Variants in ASPH observed in about 807,000 individuals in gnomAD.
The protein encoded by ASPH is aspartate beta-hydroxylase, also known as aspartyl/asparaginyl beta-hydroxylase.
A neutral mutation model predicts 118.4 loss-of-function variants in ASPH; 100 were observed. The observed-to-expected ratio is 0.84, with a 90% confidence interval of 0.72 to 1.00. ASPH has a LOEUF of 1.00. ASPH is among the 50% of genes least tolerant of loss of function. ASPH has a pLI of 0.00. For missense variants in ASPH, 920 were observed against 919.5 expected (o/e 1.00, Z -0.01); for synonymous variants, 315 against 325.6 (o/e 0.97, Z 0.35).
intron 18 of ASPH, among the ~76,000 whole-genome samples, chr8:61,557,012 G>C (rs1344481434): frequency 6.6e-6 from 1 of 152,184 alleles, no homozygotes; most frequent in African/African-American, 2.4e-5. Flanking sequence ...TCATCGATTA[G>C]CAAATCTGGC....
At chr8:61,653,127 A>G (rs1811922195) in intron 4 of ASPH, among the ~76,000 whole-genome samples, 2 of 152,224 alleles carry the variant, frequency 1.3e-5, no homozygotes, top group Non-Finnish European at 2.9e-5. Flanking sequence ...AGATGCCCAC[A>G]GGGAGGTTTG....
At chr8:61,575,113 T>G (rs906181120) in intron 16 of ASPH, among the ~76,000 whole-genome samples, 3 of 152,202 alleles carry the variant, frequency 2.0e-5, no homozygotes, top group Non-Finnish European at 4.4e-5. Flanking sequence ...CAGAGAGACC[T>G]TTCCTGCCCA....
chr8:61,500,886 T>G lies in ASPH; in HGVS notation c.*2473A>C, dbSNP rs1377459064. On this transcript the variant is annotated 3_prime_UTR_variant, in exon 25 of 25. Coordinates refer to ENST00000379454, the MANE Select transcript of ASPH (RefSeq NM_004318.4). The stretch of plus-strand genomic sequence containing the variant: ...TAAATAATTCAAGGGAAAGAGATTA[T>G]TCAACTGGTCATAATCACCCCTGAT... 2 of 152,178 alleles carry G rather than the reference T, an allele frequency of 1.3e-5. No individual in the cohort carries two copies. The highest frequency in any genetic ancestry group is 2.9e-5 in the Non-Finnish European group (2 of 68,020). 9.4% of individuals were successfully genotyped at this position (152,178 alleles called of 1,614,324 possible).
rs186365245 is a variant in ASPH, at chr8:61,699,940, C to T, written c.103+14329G>A. On this transcript the variant is annotated intron_variant, in intron 1 of 24. Transcript: ENST00000379454. ...GAATGACGGCTACAGAGAAAGGTGA[C>T]GGCTACAAGGGAGCTCAAGCTCCAG... 2.0e-3 allele frequency among the ~76,000 whole-genome samples: 298 copies of T among 152,304 alleles called. 3 individuals are homozygous for T. Among genetic ancestry groups the T allele is most frequent in the Non-Finnish European group, 1.8e-3 (121 of 68,034 alleles).
At chr8:61,527,308 T>C (rs1432098163) in intron 21 of ASPH, among the ~76,000 whole-genome samples, 1 of 152,212 alleles carries the variant, frequency 6.6e-6, no homozygotes, top group Non-Finnish European at 1.5e-5. Flanking sequence ...CGAGATAATG[T>C]GTAGAGTGTC....
In ASPH at chr8:61,714,442, GGAACCGCTGGCGGCGGC is replaced by G; in HGVS notation, c.-88_-72del. On this transcript the variant is annotated 5_prime_UTR_variant, in exon 1 of 25. Transcript: ENST00000379454. The stretch of plus-strand genomic sequence containing the variant: ...TGCGCGGGGGTACACACGCGACGCG[GGAACCGCTGGCGGCGGC>G]GGGCCGCTGGAGCGGGTTCGGGCCG... The G allele has an allele frequency of 3.7e-6, 5 of 1,367,730 alleles. No homozygotes were observed. The highest frequency in any genetic ancestry group is 4.7e-6 in the Non-Finnish European group (5 of 1,059,744). The allele number at this position is 1,367,730 out of a possible 1,614,324, so 84.7% of individuals were successfully genotyped here.
chr8:61,550,022 T>C (rs1368005729), intron 20 of ASPH, among the ~76,000 whole-genome samples: 1 of 152,180 alleles, frequency 6.6e-6, no homozygotes, highest in Non-Finnish European at 1.5e-5. Flanking sequence ...TAATCCTGCA[T>C]CAAGTAGGAC....
At chr8:61,643,912 A>T (rs1256916694) in intron 8 of ASPH, 33 bp downstream of exon 8, 1 of 1,580,132 alleles carries the variant, frequency 6.3e-7, no homozygotes, top group South Asian at 1.1e-5. Flanking sequence ...CTCAATCAGA[A>T]AACACATATC....
intron 1 of ASPH, among the ~76,000 whole-genome samples, chr8:61,692,836 C>T (rs1486581613): frequency 6.6e-6 from 1 of 151,950 alleles, no homozygotes; most frequent in Non-Finnish European, 1.5e-5. Flanking sequence ...GTCTAGGGAC[C>T]ACATACAAAG....
chr8:61,692,856 C>T (rs7838862), intron 1 of ASPH, among the ~76,000 whole-genome samples: 1 of 151,934 alleles, frequency 6.6e-6, no homozygotes, highest in Non-Finnish European at 1.5e-5. Context: ...GAATACTATA[C>T]CAGCGGTCCC....
chr8:61,588,150 T>C (rs1309981401), intron 14 of ASPH, among the ~76,000 whole-genome samples: 1 of 152,242 alleles, frequency 6.6e-6, no homozygotes, highest in Non-Finnish European at 1.5e-5. Context: ...GAAAGCTATC[T>C]ATGCTATATA....
intron 22 of ASPH, among the ~76,000 whole-genome samples, chr8:61,520,926 C>T (rs1298289575): frequency 6.6e-6 from 1 of 152,218 alleles, no homozygotes; most frequent in African/African-American, 2.4e-5. Context: ...TTAGAGAACA[C>T]CTCTAGCTCT....
At chr8:61,587,712 T>C (rs1182667770) in intron 14 of ASPH, among the ~76,000 whole-genome samples, 1 of 152,236 alleles carries the variant, frequency 6.6e-6, no homozygotes, top group African/African-American at 2.4e-5. Context: ...TATCTTTTCA[T>C]ATATCTTCAT....
chr8:61,534,594 CACTT>C (rs1818794453), intron 21 of ASPH, among the ~76,000 whole-genome samples: 1 of 152,204 alleles, frequency 6.6e-6, no homozygotes. Flanking sequence ...TTCCTTGCAT[CACTT>C]AGTTAGTATA....
chr8:61,692,236 A>C (rs1832813628), intron 1 of ASPH, among the ~76,000 whole-genome samples: 1 of 152,236 alleles, frequency 6.6e-6, no homozygotes, highest in Non-Finnish European at 1.5e-5. Flanking sequence ...CCTCTGAAAT[A>C]TCATTTAATC....
At chr8:61,676,073 G>T in intron 3 of ASPH, 1 of 1,599,246 alleles carries the variant, frequency 6.3e-7, no homozygotes, top group South Asian at 1.1e-5. Flanking sequence ...CCTGAATCAA[G>T]GTTACTGGTT....
chr8:61,584,115 C>A (rs1838503503), intron 14 of ASPH, 86 bp from the exon 15 acceptor site: 1 of 826,194 alleles, frequency 1.2e-6, no homozygotes, highest in Non-Finnish European at 1.8e-6. Context: ...AGTGGGAAAC[C>A]TGATGCTGGT....
chr8:61,698,863 T>A (rs1834570237), intron 1 of ASPH, among the ~76,000 whole-genome samples: 1 of 152,158 alleles, frequency 6.6e-6, no homozygotes, highest in South Asian at 2.1e-4. Flanking sequence ...AAATTAATAA[T>A]AAAAGTGAGT....
intron 3 of ASPH, among the ~76,000 whole-genome samples, chr8:61,679,128 A>T (rs927392256): frequency 2.0e-5 from 3 of 152,166 alleles, no homozygotes; most frequent in Admixed American, 6.6e-5. Context: ...TAAGCCTAAC[A>T]TTTCACCTTT....
Sources: gnomAD v4.1 joint callset for allele counts (sites outside exome capture counted in the v4.1 genomes callset) on GRCh38, gnomAD v4.1.1 for gene constraint, MANE v1.5 for transcripts, NCBI Gene and HGNC (gene_info 2026-07-23, HGNC 2026-07-21) for gene names.